The following NEK4 variants were observed in gnomAD, a reference collection of about 807,000 sequenced individuals.
NEK4 encodes the protein serine/threonine-protein kinase Nek4.
A neutral mutation model predicts 98.4 loss-of-function variants in NEK4; 86 were observed. The observed-to-expected ratio is 0.87, with a 90% CI of 0.73 to 1.05. The LOEUF is 1.05. Ranked by LOEUF, NEK4 falls within the 50% of genes least tolerant of loss-of-function variation. NEK4 has a pLI of 0.00. For missense variants in NEK4, 898 were observed against 950.3 expected, an observed-to-expected ratio of 0.94 and a Z score of 0.72; for synonymous variants, 328 against 342.2, an observed-to-expected ratio of 0.96 and a Z score of 0.46.
chr3:52,737,147 T>C (rs191182136), intron 15 of NEK4, among the ~76,000 whole-genome samples: 3 of 152,210 alleles, frequency 2.0e-5, no homozygotes, highest in East Asian at 3.9e-4. Flanking sequence ...ACTCACCACG[T>C]TGGCCAGGCT....
chr3:52,768,298 A>G, intron 2 of NEK4, 40 bp downstream of exon 2: 3 of 1,563,166 alleles, frequency 1.9e-6, no homozygotes, highest in Non-Finnish European at 2.6e-6. Flanking sequence ...TCTTCTTGCC[A>G]TCTGGGAACA....
Position 52,739,436 on chromosome 3 carries a change from T to A in NEK4, c.2292A>T (p.Leu764=). Residue 764 remains leucine, a synonymous_variant, in exon 14 of 16, where the codon CTA becomes CTT. Coordinates refer to ENST00000233027, the MANE Select transcript of NEK4 (RefSeq NM_003157.6). Reference sequence around the variant, plus strand: ...TAATAATAAGCTGATCACCTGAAGGTAGCTCTTTAAAATGGATTTCCTCTG... The same window carrying A: ...TAATAATAAGCTGATCACCTGAAGGAAGCTCTTTAAAATGGATTTCCTCTG... ...EEAEEIHFKE[L]PSAIMPGSEK... is the part of the protein sequence containing the mutation. The A allele has an allele frequency of 6.2e-7, 1 of 1,613,418 alleles. No individual in the cohort carries two copies. Among genetic ancestry groups the A allele is most frequent in the Non-Finnish European group, 8.5e-7 (1 of 1,179,348 alleles).
chr3:52,770,896 C>G lies in NEK4; in HGVS notation c.-150G>C, dbSNP rs753389802. 4 of 642,692 alleles carry G rather than the reference C, an allele frequency of 6.2e-6. No individual in the cohort carries two copies. Among genetic ancestry groups the G allele is most frequent in the African/African-American group, 3.7e-5 (2 of 53,474 alleles). The allele number at this position is 642,692 out of a possible 1,614,324, so 39.8% of individuals were successfully genotyped here. A position where few individuals can be genotyped will look rare whatever the true frequency, so the allele number is the denominator to read the frequency against. On this transcript the variant is annotated 5_prime_UTR_variant, in exon 1 of 16. Coordinates refer to ENST00000233027, the MANE Select transcript of NEK4 (RefSeq NM_003157.6). Reference sequence around the variant, plus strand: ...CGGGCGGGATTGCTGGGGCCCGGCCCGCGACGACGCCGCTGCCATAGCGAT... The same window carrying G: ...CGGGCGGGATTGCTGGGGCCCGGCCGGCGACGACGCCGCTGCCATAGCGAT...
intron 7 of NEK4, among the ~76,000 whole-genome samples, chr3:52,750,470 C>A (rs556854031): frequency 6.6e-6 from 1 of 152,176 alleles, no homozygotes; most frequent in East Asian, 1.9e-4. Context: ...ATCATTGAAC[C>A]CAGGAGGCAG....
chr3:52,733,605 T>C (rs995898424), intron 15 of NEK4: 2 of 509,372 alleles, frequency 3.9e-6, no homozygotes, highest in Non-Finnish European at 7.8e-6. Flanking sequence ...GCCTTACAAA[T>C]GTAACAAACG....
Position 52,711,212 on chromosome 3 carries a change from TAA to T in NEK4, c.*563_*564del. Reference sequence around the variant, plus strand: ...TTTATATTAAATGAGAATAAAATATTAAAAGTCCATCAATGTGTAGAAAAGAA... The same window carrying T: ...TTTATATTAAATGAGAATAAAATATTAAGTCCATCAATGTGTAGAAAAGAA... On this transcript the variant is annotated 3_prime_UTR_variant, in exon 16 of 16. Transcript: ENST00000233027. 6.6e-6 allele frequency: 1 copy of T among 152,432 alleles called. No individual in the cohort carries two copies. The highest frequency in any genetic ancestry group is 6.5e-5 in the Admixed American group (1 of 15,298). The allele number at this position is 152,432 out of a possible 1,614,324, so 9.4% of individuals were successfully genotyped here.
At chr3:52,761,785 T>C (rs1698367052) in intron 5 of NEK4, among the ~76,000 whole-genome samples, 1 of 152,226 alleles carries the variant, frequency 6.6e-6, no homozygotes, top group African/African-American at 2.4e-5. Flanking sequence ...AGTATCAGGT[T>C]AATTTTCATT....
intron 6 of NEK4, chr3:52,754,835 A>C: frequency 3.8e-6 from 1 of 266,100 alleles, no homozygotes; most frequent in Admixed American, 4.3e-5. Flanking sequence ...GAACTTTGGG[A>C]GGCCAAGATG....
At chr3:52,754,429 G>A (rs1347847573) in intron 6 of NEK4, 1 of 551,522 alleles carries the variant, frequency 1.8e-6, no homozygotes, top group Non-Finnish European at 3.6e-6. Flanking sequence ...TACTGTATGA[G>A]AAAGATGTTC....
intron 1 of NEK4, among the ~76,000 whole-genome samples, chr3:52,769,410 A>G (rs146100481): frequency 4.3e-4 from 65 of 152,322 alleles, no homozygotes; most frequent in African/African-American, 1.3e-3. Flanking sequence ...ATTCACACTT[A>G]AAAGAAATCA....
intron 11 of NEK4, among the ~76,000 whole-genome samples, chr3:52,743,677 G>A (rs2097390660): frequency 6.6e-6 from 1 of 152,174 alleles, no homozygotes; most frequent in Non-Finnish European, 1.5e-5. Context: ...ACTCCTCAGA[G>A]CCTCTGTTTC....
At chr3:52,770,415 A>C (rs938744223) in intron 1 of NEK4, among the ~76,000 whole-genome samples, 2 of 151,404 alleles carry the variant, frequency 1.3e-5, no homozygotes, top group African/African-American at 4.9e-5. Flanking sequence ...AAAACTTAGA[A>C]TTGTAATTAA....
At chr3:52,734,837 G>C in intron 15 of NEK4, 1 of 315,662 alleles carries the variant, frequency 3.2e-6, no homozygotes, top group Non-Finnish European at 6.2e-6. Flanking sequence ...GCAAGAGGAT[G>C]ATAAACCAGA....
At chr3:52,717,918 C>T (rs1347280856) in intron 15 of NEK4, among the ~76,000 whole-genome samples, 1 of 151,834 alleles carries the variant, frequency 6.6e-6, no homozygotes, top group Non-Finnish European at 1.5e-5. Flanking sequence ...CTCAGCCTCC[C>T]GAGTAGCTGG....
chr3:52,770,601 C>A lies in NEK4; in HGVS notation c.93+53G>T, dbSNP rs1489367002. ...CCGACCTAATCTACCGGTCGGCGCC[C>A]TCGGCGCACTTCTGCCCGCCCCCGC... On this transcript the variant is annotated intron_variant, in intron 1 of 15. Coordinates refer to ENST00000233027, the MANE Select transcript of NEK4 (RefSeq NM_003157.6). The A allele has an allele frequency of 1.6e-5, 23 of 1,433,318 alleles. No homozygotes were observed. The East Asian group carries it at 2.5e-4, about 15-fold the overall frequency. The allele number at this position is 1,433,318 out of a possible 1,614,324, so 88.8% of individuals were successfully genotyped here.
intron 15 of NEK4, among the ~76,000 whole-genome samples, chr3:52,717,969 T>G (rs1208999405): frequency 6.6e-6 from 1 of 151,820 alleles, no homozygotes; most frequent in African/African-American, 2.4e-5. Flanking sequence ...AATTTTTGTA[T>G]TTTTAGTAGA....
At chr3:52,753,763 T>C in intron 6 of NEK4, 1 of 545,820 alleles carries the variant, frequency 1.8e-6, no homozygotes, top group Non-Finnish European at 3.7e-6. Context: ...CTCTTCTTGC[T>C]GAATTTACCT....
At chr3:52,735,444 C>G (rs150390230) in intron 15 of NEK4, among the ~76,000 whole-genome samples, 2 of 152,218 alleles carry the variant, frequency 1.3e-5, no homozygotes, top group Non-Finnish European at 2.9e-5. Context: ...TTATTTATGT[C>G]AGAAATGGAC....
intron 15 of NEK4, among the ~76,000 whole-genome samples, chr3:52,730,579 A>C (rs914211882): frequency 3.9e-5 from 6 of 152,206 alleles, no homozygotes; most frequent in South Asian, 2.1e-4. Flanking sequence ...ACCTCTGTTC[A>C]TGAGAGATAT....
Sources: gnomAD v4.1 joint callset for allele counts (sites outside exome capture counted in the v4.1 genomes callset) on GRCh38, gnomAD v4.1.1 for gene constraint, MANE v1.5 for transcripts, NCBI Gene and HGNC (gene_info 2026-07-23, HGNC 2026-07-21) for gene names.